RPTOR: variants seen among roughly 807,000 people sequenced by gnomAD.
The protein encoded by RPTOR is regulatory associated protein of MTOR complex 1.
In RPTOR, 21 loss-of-function variants were observed where a neutral mutation model predicts 169.9. The observed-to-expected ratio is 0.12, with a 90% CI of 0.09 to 0.18. The LOEUF (loss-of-function observed/expected upper bound fraction) is 0.18, where lower values mean the gene tolerates loss of function less well. Among genes scored for constraint, RPTOR ranks in the 10% least tolerant of loss-of-function variants. The probability of loss-of-function intolerance (pLI) is 1.00; values close to 1 mark genes in which losing one functional copy is unlikely to be tolerated. For missense variants in RPTOR, 1,133 were observed against 1,855.9 expected, an observed-to-expected ratio of 0.61 and a Z score of 7.16; for synonymous variants, 732 against 753.2, an observed-to-expected ratio of 0.97 and a Z score of 0.46.
At chr17:80,963,897 A>G (rs1322538856) in intron 33 of RPTOR, among the ~76,000 whole-genome samples, 1 of 151,682 alleles carries the variant, frequency 6.6e-6, no homozygotes, top group African/African-American at 2.4e-5. Context: ...CAGCCTCCCC[A>G]CGTGGCTTCA....
chr17:80,782,682 C>T (rs186071713), intron 6 of RPTOR, among the ~76,000 whole-genome samples: 31 of 152,236 alleles, frequency 2.0e-4, no homozygotes, highest in Middle Eastern at 3.4e-3. Flanking sequence ...CCCTGGCTCT[C>T]AAGGGGTCAC....
intron 6 of RPTOR, among the ~76,000 whole-genome samples, chr17:80,755,774 G>A (rs866790743): frequency 2.6e-5 from 4 of 151,784 alleles, no homozygotes; most frequent in African/African-American, 9.7e-5. Context: ...AAAAAAAGAG[G>A]GGAGAGGAGC....
In RPTOR at chr17:80,683,933, G is replaced by A. The variant is rs1015753162; in HGVS notation, c.349-23908G>A. The stretch of plus-strand genomic sequence containing the variant: ...AATGGGACTTAGAAGCCAAGATGTC[G>A]GCTCCTGGCATTGACTCCCTCATCC... On this transcript the variant is annotated intron_variant, in intron 3 of 33. Transcript: ENST00000306801. Among the ~76,000 whole-genome samples, 7 of 152,122 alleles carry A rather than the reference G, an allele frequency of 4.6e-5. No homozygotes were observed. The East Asian group carries it at 5.8e-4, about 13-fold the overall frequency.
intron 24 of RPTOR, among the ~76,000 whole-genome samples, chr17:80,928,371 G>T (rs2068837219): frequency 6.6e-6 from 1 of 152,138 alleles, no homozygotes; most frequent in South Asian, 2.1e-4. Context: ...TTATTAGCCT[G>T]CTTCACATGT....
At chr17:80,873,015 C>G (rs965083757) in intron 13 of RPTOR, among the ~76,000 whole-genome samples, 8 of 152,178 alleles carry the variant, frequency 5.3e-5, no homozygotes, top group African/African-American at 1.9e-4. Context: ...GGACCCCCAG[C>G]CTGACTTCTC....
intron 1 of RPTOR, among the ~76,000 whole-genome samples, chr17:80,585,538 C>T (rs1263984972): frequency 6.6e-6 from 1 of 152,194 alleles, no homozygotes; most frequent in Non-Finnish European, 1.5e-5. Flanking sequence ...CGTGGAGGCG[C>T]ACAGGGCTGC....
In RPTOR at chr17:80,708,286, G is replaced by A. The variant is rs977182383; in HGVS notation, c.507+287G>A. Among the ~76,000 whole-genome samples, 1 of 152,220 alleles carries A rather than the reference G, an allele frequency of 6.6e-6. No homozygotes were observed. The highest frequency in any genetic ancestry group is 2.4e-5 in the African/African-American group (1 of 41,452). On this transcript the variant is annotated intron_variant, in intron 4 of 33. Coordinates refer to ENST00000306801, the MANE Select transcript of RPTOR (RefSeq NM_020761.3). The surrounding 1 kb of genome is among the most constrained non-coding windows in gnomAD (Gnocchi z 4.2). ...TTGTAATTCTCCGAGGACAGACCTC[G>A]AGAGTGTCTGCCTTCTAGTTTGAAA... is the stretch of plus-strand genomic sequence containing the variant.
Position 80,754,615 on chromosome 17 carries a change from T to G in RPTOR, c.830+430T>G, listed in dbSNP as rs2066661695. The stretch of plus-strand genomic sequence containing the variant: ...TTAGCAATGAAAAAAGAGCCATGAT[T>G]TTTCTGTCTCCATCCTTTTTAAGTT... On this transcript the variant is annotated intron_variant, in intron 6 of 33. Coordinates refer to ENST00000306801, the MANE Select transcript of RPTOR (RefSeq NM_020761.3). The surrounding 1 kb of genome is among the most constrained non-coding windows in gnomAD (Gnocchi z 4.2). Among the ~76,000 whole-genome samples the G allele has an allele frequency of 6.6e-6, 1 of 152,146 alleles. No individual in the cohort carries two copies. Among genetic ancestry groups the G allele is most frequent in the Non-Finnish European group, 1.5e-5 (1 of 68,024 alleles).
chr17:80,699,242 T>C (rs997016204), intron 3 of RPTOR, among the ~76,000 whole-genome samples: 2 of 152,278 alleles, frequency 1.3e-5, no homozygotes, highest in Admixed American at 1.3e-4. Context: ...TGTGCACAAA[T>C]ATTTATTTAA....
At chr17:80,734,384 C>T (rs1484598210) in intron 5 of RPTOR, among the ~76,000 whole-genome samples, 1 of 152,220 alleles carries the variant, frequency 6.6e-6, no homozygotes, top group Non-Finnish European at 1.5e-5. Flanking sequence ...CTAGATCCCA[C>T]TTCTTCCCCT....
intron 24 of RPTOR, among the ~76,000 whole-genome samples, chr17:80,931,233 C>A (rs1441682559): frequency 1.3e-5 from 2 of 152,198 alleles, no homozygotes; most frequent in Non-Finnish European, 2.9e-5. Context: ...CTATAAAATT[C>A]TGACTTTTCC....
Position 80,947,116 on chromosome 17 carries a change from T to C in RPTOR, c.3141-111T>C, listed in dbSNP as rs2069113457. 1.8e-6 allele frequency: 2 copies of C among 1,092,084 alleles called. No individual in the cohort carries two copies. The highest frequency in any genetic ancestry group is 2.5e-6 in the Non-Finnish European group (2 of 795,352). 67.6% of individuals were successfully genotyped at this position (1,092,084 alleles called of 1,614,324 possible). ...ACAGGTGTGAGCCGCCGTGCCCGGC[T>C]GTGGTGTGTGGTTTTTTGATAGCAG... On this transcript the variant is annotated intron_variant, in intron 26 of 33. Coordinates refer to ENST00000306801, the MANE Select transcript of RPTOR (RefSeq NM_020761.3). This position sits in a 1 kb window ranked among gnomAD's most constrained non-coding sequence, Gnocchi z 4.4.
At chr17:80,839,476 G>A (rs757318716) in intron 10 of RPTOR, among the ~76,000 whole-genome samples, 2 of 152,212 alleles carry the variant, frequency 1.3e-5, no homozygotes, top group Admixed American at 6.5e-5. Flanking sequence ...ATTTTACACC[G>A]TGAGGCGGAA....
intron 20 of RPTOR, among the ~76,000 whole-genome samples, chr17:80,895,135 GC>G (rs201113943): frequency 0.013 from 2,023 of 152,286 alleles, 24 homozygotes; most frequent in Non-Finnish European, 0.021. Context: ...TCAGAATTCA[GC>G]CCCTGCCACC....
At chr17:80,758,440 A>G (rs1271058570) in intron 6 of RPTOR, among the ~76,000 whole-genome samples, 2 of 152,314 alleles carry the variant, frequency 1.3e-5, no homozygotes, top group East Asian at 3.9e-4. Context: ...CTCTGGCACA[A>G]GAGAGCCCCT....
chr17:80,597,733 C>G (rs185327766), intron 1 of RPTOR, among the ~76,000 whole-genome samples: 1 of 152,132 alleles, frequency 6.6e-6, no homozygotes, highest in East Asian at 1.9e-4. Flanking sequence ...AAGCTGGTCT[C>G]GAACTCCTGA....
chr17:80,720,727 G>GC (rs1348738512), intron 4 of RPTOR, among the ~76,000 whole-genome samples: 5 of 152,228 alleles, frequency 3.3e-5, no homozygotes, highest in Non-Finnish European at 5.9e-5. Context: ...AGTGCGCCCA[G>GC]CATCACCTGC....
intron 13 of RPTOR, among the ~76,000 whole-genome samples, chr17:80,876,407 C>T (rs111505300): frequency 3.9e-5 from 1 of 25,336 alleles, no homozygotes; most frequent in Non-Finnish European, 6.8e-5. Flanking sequence ...CCACCGAGCC[C>T]GTGCCACGCA....
chr17:80,939,510 C>T (rs1054180320), intron 24 of RPTOR, among the ~76,000 whole-genome samples: 1 of 152,244 alleles, frequency 6.6e-6, no homozygotes, highest in South Asian at 2.1e-4. Flanking sequence ...GAAGCTGTCT[C>T]ATTAGGGAAG....
Sources: allele counts gnomAD v4.1 joint callset (sites outside exome capture counted in the v4.1 genomes callset), GRCh38; gene constraint gnomAD v4.1.1; non-coding constraint Gnocchi (gnomAD v3.1); transcripts MANE v1.5; gene names NCBI Gene and HGNC (gene_info 2026-07-23, HGNC 2026-07-21).